Variants in TAFA5 observed in about 807,000 individuals in gnomAD.
The protein encoded by TAFA5 is TAFA chemokine like family member 5.
Under a neutral mutation model 15.3 loss-of-function variants are expected in TAFA5, and 6 were observed. That is an observed-to-expected ratio of 0.39 (90% CI 0.21 to 0.77). The LOEUF (loss-of-function observed/expected upper bound fraction) is 0.77, where lower values mean the gene tolerates loss of function less well. TAFA5 is among the 30% of genes least tolerant of loss of function. The pLI is 0.41. For missense variants in TAFA5, 161 were observed against 193.1 expected (o/e 0.83, Z 0.98); for synonymous variants, 103 against 80.7 (o/e 1.28, Z -1.48).
chr22:48,747,895 TAA>T (rs130233), intron 3 of TAFA5, among the ~76,000 whole-genome samples: 31,173 of 121,508 alleles, frequency 0.26, 4,199 homozygotes, highest in African/African-American at 0.4. Flanking sequence ...AGACTCTGTC[TAA>T]AAAAAAAAAA....
intron 1 of TAFA5, among the ~76,000 whole-genome samples, chr22:48,502,009 C>T (rs557798921): frequency 7.2e-5 from 11 of 152,328 alleles, no homozygotes; most frequent in African/African-American, 1.9e-4. Context: ...CTGGAGGGGC[C>T]GGTGAATACT....
chr22:48,704,556 C>A (rs980922481), intron 2 of TAFA5, among the ~76,000 whole-genome samples: 1 of 152,058 alleles, frequency 6.6e-6, no homozygotes, highest in African/African-American at 2.4e-5. Context: ...TGGCTGGGAC[C>A]CTCTGAGGGC....
intron 1 of TAFA5, among the ~76,000 whole-genome samples, chr22:48,624,574 G>A (rs1182447352): frequency 1.3e-5 from 2 of 152,170 alleles, no homozygotes; most frequent in Non-Finnish European, 2.9e-5. Context: ...GCGATCCAGG[G>A]CTGCTTTATT....
At chr22:48,572,331 T>C (rs1432785480) in intron 1 of TAFA5, among the ~76,000 whole-genome samples, 1 of 152,222 alleles carries the variant, frequency 6.6e-6, no homozygotes, top group African/African-American at 2.4e-5. Context: ...CATGAGCACT[T>C]ACTGTATTCC....
At chr22:48,673,627 T>C (rs1028060379) in intron 2 of TAFA5, among the ~76,000 whole-genome samples, 13 of 152,168 alleles carry the variant, frequency 8.5e-5, no homozygotes, top group African/African-American at 3.1e-4. Flanking sequence ...TGCCTGGCTG[T>C]GTACTGTGTG....
chr22:48,516,578 G>A (rs530411373), intron 1 of TAFA5, among the ~76,000 whole-genome samples: 1 of 152,376 alleles, frequency 6.6e-6, no homozygotes, highest in South Asian at 2.1e-4. Context: ...GGCAAGGTGA[G>A]TGCAGCTCTG....
At chr22:48,562,920 G>A (rs978069327) in intron 1 of TAFA5, among the ~76,000 whole-genome samples, 6 of 151,896 alleles carry the variant, frequency 4.0e-5, no homozygotes, top group African/African-American at 9.7e-5. Flanking sequence ...CCGGGACCCC[G>A]GGATGCCCGT....
At chr22:48,614,972 C>T (rs1366704880) in intron 1 of TAFA5, among the ~76,000 whole-genome samples, 1 of 152,186 alleles carries the variant, frequency 6.6e-6, no homozygotes, top group Non-Finnish European at 1.5e-5. Flanking sequence ...AGAAGCCACG[C>T]ACTGTAAGAA....
chr22:48,739,263 A>AT (rs1043204020), intron 3 of TAFA5, among the ~76,000 whole-genome samples: 42 of 151,966 alleles, frequency 2.8e-4, no homozygotes, highest in Non-Finnish European at 4.1e-4. Context: ...TAAATTAAAT[A>AT]TTTTTTTTTC....
chr22:48,681,305 C>G (rs964423796), intron 2 of TAFA5, among the ~76,000 whole-genome samples: 30 of 152,216 alleles, frequency 2.0e-4, no homozygotes, highest in African/African-American at 7.0e-4. Context: ...AGGACACGCA[C>G]AGCTCAGCAG....
intron 1 of TAFA5, among the ~76,000 whole-genome samples, chr22:48,632,306 C>A (rs28568858): frequency 1.3e-5 from 2 of 152,102 alleles, no homozygotes; most frequent in African/African-American, 2.4e-5. Context: ...GTTAATCCCG[C>A]GGGGTGATTT....
intron 2 of TAFA5, among the ~76,000 whole-genome samples, chr22:48,683,757 T>C (rs553194661): frequency 4.4e-4 from 67 of 152,334 alleles, no homozygotes; most frequent in African/African-American, 1.5e-3. Context: ...TGAATTGTAA[T>C]CCCCACATGT....
chr22:48,652,046 G>A (rs1475986929), intron 2 of TAFA5, among the ~76,000 whole-genome samples: 5 of 152,208 alleles, frequency 3.3e-5, no homozygotes, highest in African/African-American at 1.2e-4. Context: ...TAGCAATGTG[G>A]GGTTTAATTA....
intron 2 of TAFA5, among the ~76,000 whole-genome samples, chr22:48,656,858 C>A (rs917719590): frequency 6.7e-6 from 1 of 149,508 alleles, no homozygotes; most frequent in African/African-American, 2.5e-5. Flanking sequence ...TCTGCCCTCC[C>A]GGGTTCAAGC....
chr22:48,554,186 A>T (rs1422087270), intron 1 of TAFA5, among the ~76,000 whole-genome samples: 2 of 152,178 alleles, frequency 1.3e-5, no homozygotes, highest in African/African-American at 4.8e-5. Flanking sequence ...CCCGGCAAAA[A>T]TGTCCCCAGG....
chr22:48,707,234 T>A (rs892132366), intron 2 of TAFA5, among the ~76,000 whole-genome samples: 24 of 152,084 alleles, frequency 1.6e-4, no homozygotes, highest in African/African-American at 5.3e-4. Context: ...GGAAATCGAC[T>A]CCCCATCTCC....
rs575950357 is a variant in TAFA5, at chr22:48,689,170, G to A, written c.263-18547G>A. 4.6e-5 allele frequency among the ~76,000 whole-genome samples: 7 copies of A among 152,236 alleles called. No homozygotes were observed. The East Asian group carries it at 1.2e-3, about 25-fold the overall frequency. On this transcript the variant is annotated intron_variant, in intron 2 of 3. Transcript: ENST00000402357. Reference sequence around the variant, plus strand: ...TCTTCAGCTGCAAATGTGCAAGATGGCTAGAGCAGTTAGGGAGGCGCGGTT... The same window carrying A: ...TCTTCAGCTGCAAATGTGCAAGATGACTAGAGCAGTTAGGGAGGCGCGGTT...
intron 1 of TAFA5, among the ~76,000 whole-genome samples, chr22:48,523,855 G>T (rs1426917601): frequency 1.3e-5 from 2 of 152,206 alleles, no homozygotes; most frequent in African/African-American, 4.8e-5. Flanking sequence ...AGAGGAGGCT[G>T]GCGAGAAGTG....
At chr22:48,542,138 T>TGTGTGTGTGTGTGTG (rs1491557476) in intron 1 of TAFA5, among the ~76,000 whole-genome samples, 7,438 of 128,472 alleles carry the variant, frequency 0.058, 532 homozygotes, top group African/African-American at 0.17. Flanking sequence ...GTGATGTGTA[T>TGTGTGTGTGTGTGTG]GTGTGTGTGT....
Sources: gnomAD v4.1 joint callset for allele counts (sites outside exome capture counted in the v4.1 genomes callset) on GRCh38, gnomAD v4.1.1 for gene constraint, MANE v1.5 for transcripts, NCBI Gene and HGNC (gene_info 2026-07-23, HGNC 2026-07-21) for gene names.